ATP10B: variants seen among roughly 807,000 people sequenced by gnomAD.
ATP10B encodes the protein phospholipid-transporting ATPase VB.
In ATP10B, 122 loss-of-function variants were observed where a neutral mutation model predicts 141.2. That is an observed-to-expected ratio of 0.86 (90% CI 0.75 to 1.00). The LOEUF (loss-of-function observed/expected upper bound fraction) is 1.00. Ranked by LOEUF, ATP10B falls within the 50% of genes least tolerant of loss-of-function variation. The probability of loss-of-function intolerance (pLI) is 0.00; values close to 1 mark genes in which losing one functional copy is unlikely to be tolerated. For missense variants in ATP10B, 1,876 were observed against 1,825.3 expected (o/e 1.03, Z -0.51); for synonymous variants, 685 against 692.0 (o/e 0.99, Z 0.16).
intron 21 of ATP10B, 150 bp downstream of exon 21, chr5:160,602,427 A>G (rs1239495474): frequency 2.1e-6 from 2 of 968,180 alleles, no homozygotes; most frequent in Non-Finnish European, 3.0e-6. Flanking sequence ...AAGGTCACAG[A>G]GCTATTAAGG....
At chr5:160,817,640 A>G (rs1773749409) in intron 1 of ATP10B, among the ~76,000 whole-genome samples, 1 of 152,042 alleles carries the variant, frequency 6.6e-6, no homozygotes, top group Non-Finnish European at 1.5e-5. Context: ...CAGAATTGGC[A>G]AAAACTACTT....
intron 1 of ATP10B, among the ~76,000 whole-genome samples, chr5:160,800,394 G>T (rs1772296059): frequency 6.6e-6 from 1 of 152,168 alleles, no homozygotes; most frequent in Admixed American, 6.5e-5. Flanking sequence ...AATGATAATA[G>T]TAATAATTAC....
chr5:160,820,006 A>T (rs1375903795), intron 1 of ATP10B, among the ~76,000 whole-genome samples: 1 of 152,142 alleles, frequency 6.6e-6, no homozygotes, highest in Non-Finnish European at 1.5e-5. Flanking sequence ...CAAAATTAGT[A>T]GAAGAAAAGA....
the ATP10B span, among the ~76,000 whole-genome samples, chr5:160,862,264 C>T: frequency 2.0e-5 from 3 of 151,928 alleles, no homozygotes; most frequent in African/African-American, 7.2e-5. Context: ...TTTATATACC[C>T]TGAGTGGACC....
At position 160,603,992 on chromosome 5, in the gene ATP10B, A is replaced by G. The variant is rs376507098; in HGVS notation, c.3210T>C (p.Ile1070=). ...VSMIQAADIG[I]GISGQEGMQA... ...GCATGCCTTCCTGTCCAGATATTCC[A>G]ATTCCAATATCAGCAGCTTGAATCA... The change falls in exon 20 of 26, where the codon ATT becomes ATC. Residue 1070 remains isoleucine, a synonymous_variant. Transcript: ENST00000327245. 6 of 1,613,790 alleles carry G rather than the reference A, an allele frequency of 3.7e-6. No individual in the cohort carries two copies. The African/African-American group carries it at 8.0e-5, about 22-fold the overall frequency.
intron 7 of ATP10B, among the ~76,000 whole-genome samples, chr5:160,652,859 T>TTATATATAA (rs1287273095): frequency 1.4e-5 from 1 of 74,046 alleles, no homozygotes; most frequent in Admixed American, 2.1e-4. Context: ...AGATTATAAA[T>TTATATATAA]TATATATAAT....
intron 1 of ATP10B, among the ~76,000 whole-genome samples, chr5:160,843,439 G>C (rs992556179): frequency 1.3e-5 from 2 of 151,542 alleles, no homozygotes; most frequent in East Asian, 1.9e-4. Context: ...TGCCTGCCTC[G>C]TTGATTTAGA....
At chr5:160,880,036 A>G in the ATP10B span, among the ~76,000 whole-genome samples, 1 of 151,508 alleles carries the variant, frequency 6.6e-6, no homozygotes, top group Non-Finnish European at 1.5e-5. Flanking sequence ...TTCTGTATAA[A>G]TCTAATATAA....
rs192136124 is a variant in ATP10B at position 160,591,134 on chromosome 5, A to G, written c.3570T>C (p.Tyr1190=). The G allele has an allele frequency of 7.9e-5, 128 of 1,613,580 alleles. 3 individuals are homozygous for G. The highest frequency in any genetic ancestry group is 4.2e-4 in the East Asian group (19 of 44,880). The change falls in exon 23 of 26, where the codon TAT becomes TAC. Residue 1190 remains tyrosine (Y), a synonymous_variant. Coordinates refer to ENST00000327245, the MANE Select transcript of ATP10B (RefSeq NM_025153.3). ...TAGAAATCCAGAAAGTCGACAGGTT[A>G]TAGCACTGCCAGGAGAGAACACACC... is the stretch of plus-strand genomic sequence containing the variant. The part of the protein sequence containing the change: ...LYKSGQNSEC[Y]NLSTFWISMV...
At chr5:160,653,077 G>GTATATATTATATATTTATGTATATATAA (rs1761014512) in intron 7 of ATP10B, among the ~76,000 whole-genome samples, 1 of 117,524 alleles carries the variant, frequency 8.5e-6, no homozygotes, top group Non-Finnish European at 1.6e-5. Flanking sequence ...TGTATATATA[G>GTATATATTATATATTTATGTATATATAA]TGTATATATT....
At chr5:160,928,789 C>T in the ATP10B span, among the ~76,000 whole-genome samples, 1 of 152,154 alleles carries the variant, frequency 6.6e-6, no homozygotes, top group Non-Finnish European at 1.5e-5. Context: ...TGGAAAGGGG[C>T]CTTGAAATAG....
intron 1 of ATP10B, among the ~76,000 whole-genome samples, chr5:160,796,454 A>G (rs1771954520): frequency 6.6e-6 from 1 of 152,220 alleles, no homozygotes; most frequent in Non-Finnish European, 1.5e-5. Context: ...CCACTGTGCT[A>G]AGCACTTTCT....
At chr5:160,685,331 G>A (rs181454903) in intron 6 of ATP10B, 2 of 576,038 alleles carry the variant, frequency 3.5e-6, no homozygotes, top group East Asian at 2.9e-5. Flanking sequence ...AAAATGAAAA[G>A]CCAGGCTGCA....
chr5:160,680,704 A>T (rs1182065575), intron 6 of ATP10B, among the ~76,000 whole-genome samples: 1 of 152,196 alleles, frequency 6.6e-6, no homozygotes, highest in African/African-American at 2.4e-5. Context: ...GGAATGGCCC[A>T]TAGGCTTTCA....
chr5:160,929,353 C>T, the ATP10B span, among the ~76,000 whole-genome samples: 1 of 152,148 alleles, frequency 6.6e-6, no homozygotes, highest in East Asian at 1.9e-4. Flanking sequence ...CAAAGGGGAG[C>T]GACTGACAGA....
the ATP10B span, among the ~76,000 whole-genome samples, chr5:160,876,858 A>G: frequency 6.7e-6 from 1 of 148,286 alleles, no homozygotes; most frequent in Non-Finnish European, 1.5e-5. Flanking sequence ...CTCTGAATAG[A>G]CCAATAACAG....
At chr5:160,840,850 A>G (rs1383924569) in intron 1 of ATP10B, among the ~76,000 whole-genome samples, 1 of 152,188 alleles carries the variant, frequency 6.6e-6, no homozygotes, top group Non-Finnish European at 1.5e-5. Flanking sequence ...ATGAAAAGCT[A>G]TTTAAGTTAA....
At chr5:160,660,191 C>G (rs77192721) in intron 7 of ATP10B, among the ~76,000 whole-genome samples, 239 of 152,280 alleles carry the variant, frequency 1.6e-3, no homozygotes, top group African/African-American at 5.6e-3. Context: ...TTAAAAGTGT[C>G]CTAGTTCTGT....
At chr5:160,810,588 A>C (rs1773088060) in intron 1 of ATP10B, among the ~76,000 whole-genome samples, 1 of 152,136 alleles carries the variant, frequency 6.6e-6, no homozygotes, top group Admixed American at 6.5e-5. Flanking sequence ...AAGCTTGCTA[A>C]ATGTATTATT....
Sources: gnomAD v4.1 joint callset for allele counts (sites outside exome capture counted in the v4.1 genomes callset) on GRCh38, gnomAD v4.1.1 for gene constraint, MANE v1.5 for transcripts, NCBI Gene and HGNC (gene_info 2026-07-23, HGNC 2026-07-21) for gene names.